Variants in NLRP1 observed in about 807,000 individuals in gnomAD.
The protein encoded by NLRP1 is NLR family pyrin domain containing 1, also known as NACHT, LRR and PYD domains-containing protein 1.
Under a neutral mutation model 136.7 loss-of-function variants are expected in NLRP1, and 94 were observed. The ratio of observed to expected loss-of-function variants is 0.69; its 90% CI spans 0.58 to 0.82. The LOEUF (loss-of-function observed/expected upper bound fraction) is 0.82, where lower values mean the gene tolerates loss of function less well. NLRP1 is among the 40% of genes least tolerant of loss of function. The probability of loss-of-function intolerance (pLI) is 0.00; values close to 1 mark genes in which losing one functional copy is unlikely to be tolerated. For synonymous variants in NLRP1, 690 were observed against 725.1 expected (o/e 0.95, Z 0.78); for missense variants, 1,575 against 1,802.7 (o/e 0.87, Z 2.29).
chr17:5,571,420 C>T (rs938037960), intron 3 of NLRP1, among the ~76,000 whole-genome samples: 1 of 152,164 alleles, frequency 6.6e-6, no homozygotes, highest in African/African-American at 2.4e-5. Context: ...TTTCAGGATA[C>T]AAAATCAATT....
At chr17:5,515,659 A>AGTGGGT in intron 15 of NLRP1, 142 bp from the exon 16 acceptor site, 1 of 700,728 alleles carries the variant, frequency 1.4e-6, no homozygotes. Context: ...AATCTGGAGT[A>AGTGGGT]AGAGCTGGAA....
intron 4 of NLRP1, among the ~76,000 whole-genome samples, chr17:5,555,631 T>TG (rs1306140468): frequency 3.3e-5 from 5 of 152,140 alleles, no homozygotes; most frequent in African/African-American, 4.8e-5. Flanking sequence ...CACTGCTACT[T>TG]GCAGTACCTG....
intron 15 of NLRP1, chr17:5,501,975 G>T: frequency 9.6e-7 from 1 of 1,036,354 alleles, no homozygotes; most frequent in South Asian, 1.3e-5. Context: ...AACTCAAACT[G>T]CCATCAGAGA....
chr17:5,582,506 G>A (rs1225907682), intron 2 of NLRP1, among the ~76,000 whole-genome samples, 164 bp downstream of exon 2: 1 of 152,122 alleles, frequency 6.6e-6, no homozygotes, highest in Non-Finnish European at 1.5e-5. Flanking sequence ...GTCCCTGAAA[G>A]ATCAATTTCA....
chr17:5,530,051 C>T (rs1190177255), intron 12 of NLRP1: 1 of 457,358 alleles, frequency 2.2e-6, no homozygotes, highest in East Asian at 6.9e-5. Context: ...ACTGTTTCTT[C>T]TCCCTGCCTG....
intron 5 of NLRP1, among the ~76,000 whole-genome samples, chr17:5,549,608 G>T (rs1445089807): frequency 6.6e-6 from 1 of 152,054 alleles, no homozygotes; most frequent in Admixed American, 6.6e-5. Context: ...AGATTCCTTA[G>T]GATTTTCTAC....
chr17:5,555,019 A>T (rs78770282), intron 4 of NLRP1, among the ~76,000 whole-genome samples: 3,933 of 26,706 alleles, frequency 0.15, 134 homozygotes, highest in African/African-American at 0.24. Flanking sequence ...AGATCCCATC[A>T]CACACACACA....
Position 5,559,799 on chromosome 17 carries a change from G to A in NLRP1, c.897C>T (p.Ser299=). ...PRSQDPLVKR[S]WPDYVEENRG... Reference sequence around the variant, plus strand: ...GATTCTCCTCCACATAATCAGGCCAGCTTCTCTTGACCAGGGGATCTTGGC... The same window carrying A: ...GATTCTCCTCCACATAATCAGGCCAACTTCTCTTGACCAGGGGATCTTGGC... The change falls in exon 4 of 17, where the codon AGC becomes AGT. Residue 299 remains serine, a synonymous_variant. Coordinates refer to ENST00000572272, the MANE Select transcript of NLRP1 (RefSeq NM_033004.4). 6.2e-7 allele frequency: 1 copy of A among 1,614,278 alleles called. No individual in the cohort carries two copies. Among genetic ancestry groups the A allele is most frequent in the Non-Finnish European group, 8.5e-7 (1 of 1,180,052 alleles).
rs200867395 is a variant in NLRP1 at position 5,559,388 on chromosome 17, C to T, written c.1308G>A (p.Ala436=). The T allele has an allele frequency of 4.4e-5, 71 of 1,613,870 alleles. No individual in the cohort carries two copies. Among genetic ancestry groups the T allele is most frequent in the Non-Finnish European group, 5.8e-5 (68 of 1,179,912 alleles). The stretch of plus-strand genomic sequence containing the variant: ...CCAGCAAACTGCCCAGCAGTGCATC[C>T]GCCGGCTGTGGCTGGCTCCAGTGCA... ...LCLHWSQPQP[A]DALLGSLLGK... The change falls in exon 4 of 17, where the codon GCG becomes GCA. Residue 436 remains alanine, a synonymous_variant. Coordinates refer to ENST00000572272, the MANE Select transcript of NLRP1 (RefSeq NM_033004.4).
rs71370070 is a variant in NLRP1, at chr17:5,549,277, G to GT, written c.2528+4108dup. The stretch of plus-strand genomic sequence containing the variant: ...TCCTGAAACCTTGCTGAAATCATTA[G>GT]TTTTTTTTTTTTTTCTTTTTCAACA... On this transcript the variant is annotated intron_variant, in intron 5 of 16. Coordinates refer to ENST00000572272, the MANE Select transcript of NLRP1 (RefSeq NM_033004.4). 5.5e-3 allele frequency among the ~76,000 whole-genome samples: 793 copies of GT among 143,514 alleles called. 1 individual carries two copies. Among genetic ancestry groups the GT allele is most frequent in the Admixed American group, 7.9e-3 (113 of 14,348 alleles). 94.2% of individuals were successfully genotyped at this position (143,514 alleles called of 152,430 possible).
At chr17:5,524,711 C>A (rs1909314196) in intron 12 of NLRP1, among the ~76,000 whole-genome samples, 1 of 152,230 alleles carries the variant, frequency 6.6e-6, no homozygotes, top group Admixed American at 6.5e-5. Context: ...CAAGGCCACA[C>A]AACCAGCCAT....
chr17:5,519,502 G>T (rs1431037322), intron 14 of NLRP1, among the ~76,000 whole-genome samples: 1 of 148,896 alleles, frequency 6.7e-6, no homozygotes, highest in Non-Finnish European at 1.5e-5. Flanking sequence ...CTGGAGTGCA[G>T]GGGGGGTGAT....
chr17:5,577,239 C>T (rs1905115451), intron 3 of NLRP1, among the ~76,000 whole-genome samples: 1 of 152,178 alleles, frequency 6.6e-6, no homozygotes, highest in Non-Finnish European at 1.5e-5. Context: ...TCCTATTCAA[C>T]ATAGTGTTGG....
In NLRP1 at chr17:5,536,959, C is replaced by G. The variant is rs1484971829; in HGVS notation, c.2871-19G>C. 6.3e-7 allele frequency: 1 copy of G among 1,582,860 alleles called. No homozygotes were observed. Among genetic ancestry groups the G allele is most frequent in the Non-Finnish European group, 8.7e-7 (1 of 1,151,604 alleles). Reference sequence around the variant, plus strand: ...GTCCAGCCTGAAAGCACAAAGGGAGCCGGGTCCTCCTGGGATCCCCCATGT... The same window carrying G: ...GTCCAGCCTGAAAGCACAAAGGGAGGCGGGTCCTCCTGGGATCCCCCATGT... On this transcript the variant is annotated intron_variant, in intron 7 of 16. Coordinates refer to ENST00000572272, the MANE Select transcript of NLRP1 (RefSeq NM_033004.4).
chr17:5,533,303 C>A lies in NLRP1; in HGVS notation c.3133+1G>T, dbSNP rs750659307. 3.2e-6 allele frequency: 5 copies of A among 1,549,040 alleles called. No homozygotes were observed. In the South Asian group the frequency reaches 6.0e-5, roughly 18 times the overall value. On this transcript the variant is annotated splice_donor_variant, in intron 10 of 16. Transcript: ENST00000572272. LOFTEE classifies it high-confidence loss of function. ...AAGGGGCCAGGCACCGTGGCTCTTG[C>A]CTGCAATCTCAGCAATTGGGAAGAT...
exon 16 of NLRP1, chr17:5,501,432 A>G (rs893800399): frequency 2.9e-5 from 5 of 171,900 alleles, no homozygotes; most frequent in Non-Finnish European, 6.4e-5. Flanking sequence ...TGCGTGAAAA[A>G]GCTAACACAT....
In NLRP1 at chr17:5,536,991, C is replaced by T. The variant is rs12600945; in HGVS notation, c.2871-51G>A. On this transcript the variant is annotated intron_variant, in intron 7 of 16. Coordinates refer to ENST00000572272, the MANE Select transcript of NLRP1 (RefSeq NM_033004.4). Reference sequence around the variant, plus strand: ...CTCCTGGGATCCCCCATGTGGTCCCCAGGTCCCCAGGGCCCAGAATCCTGG... The same window carrying T: ...CTCCTGGGATCCCCCATGTGGTCCCTAGGTCCCCAGGGCCCAGAATCCTGG... 71 of 1,313,038 alleles carry T rather than the reference C, an allele frequency of 5.4e-5. No homozygotes were observed. In the East Asian group the frequency reaches 1.6e-3, roughly 29 times the overall value. 81.3% of individuals were successfully genotyped at this position (1,313,038 alleles called of 1,614,324 possible). A position where few individuals can be genotyped will look rare whatever the true frequency, so the allele number is the denominator to read the frequency against.
intron 12 of NLRP1, among the ~76,000 whole-genome samples, chr17:5,527,889 G>T (rs1166505101): frequency 6.6e-6 from 1 of 152,224 alleles, no homozygotes; most frequent in African/African-American, 2.4e-5. Flanking sequence ...ACTGAGCAGG[G>T]CATGGCCTGG....
At chr17:5,542,416 C>A (rs1397832863) in intron 5 of NLRP1, among the ~76,000 whole-genome samples, 1 of 152,012 alleles carries the variant, frequency 6.6e-6, no homozygotes, top group Non-Finnish European at 1.5e-5. Flanking sequence ...CACCTAAGGT[C>A]TCTGCACCTG....
Sources: allele counts gnomAD v4.1 joint callset (sites outside exome capture counted in the v4.1 genomes callset), GRCh38; gene constraint gnomAD v4.1.1; transcripts MANE v1.5; gene names NCBI Gene and HGNC (gene_info 2026-07-23, HGNC 2026-07-21).